GRID2: variants seen among roughly 807,000 people sequenced by gnomAD.
The protein encoded by GRID2 is glutamate receptor ionotropic, delta-2.
A neutral mutation model predicts 114.8 loss-of-function variants in GRID2; 33 were observed. That is an observed-to-expected ratio of 0.29 (90% CI 0.22 to 0.38). The LOEUF is 0.38. GRID2 is among the 10% of genes least tolerant of loss of function. The pLI is 1.00. For missense variants in GRID2, 1,184 were observed against 1,257.7 expected (o/e 0.94, Z 0.89); for synonymous variants, 505 against 449.9 (o/e 1.12, Z -1.55).
At chr4:92,917,240 A>T (rs972215683) in intron 2 of GRID2, among the ~76,000 whole-genome samples, 2 of 151,834 alleles carry the variant, frequency 1.3e-5, no homozygotes, top group Non-Finnish European at 2.9e-5. Flanking sequence ...TTTTGAGTTC[A>T]TTGTAGATTC....
At chr4:93,188,220 T>A (rs562233514) in intron 4 of GRID2, among the ~76,000 whole-genome samples, 2 of 152,220 alleles carry the variant, frequency 1.3e-5, no homozygotes, top group African/African-American at 4.8e-5. Flanking sequence ...TCAGACTCTC[T>A]GGAGCTTCAT....
At chr4:93,583,626 G>A (rs1196159604) in intron 13 of GRID2, among the ~76,000 whole-genome samples, 1 of 152,116 alleles carries the variant, frequency 6.6e-6, no homozygotes, top group African/African-American at 2.4e-5. Flanking sequence ...AAAAGGCTCA[G>A]TAACTTGACC....
intron 13 of GRID2, among the ~76,000 whole-genome samples, chr4:93,580,051 C>T (rs1047676930): frequency 1.3e-4 from 20 of 152,138 alleles, no homozygotes; most frequent in African/African-American, 4.8e-4. Context: ...TGTATTCTGC[C>T]TTTTCATTTT....
rs1198936139 is a variant in GRID2, at chr4:92,722,087, G to C, written c.244+131801G>C. ...CATAGAGATACTCAGCAACCAAAAT[G>C]GTTTCTGGACAGTGGACTGGCAATG... is the stretch of plus-strand genomic sequence containing the variant. On this transcript the variant is annotated intron_variant, in intron 2 of 15. Coordinates refer to ENST00000282020, the MANE Select transcript of GRID2 (RefSeq NM_001510.4). Among the ~76,000 whole-genome samples the C allele has an allele frequency of 3.9e-5, 6 of 152,282 alleles. No individual in the cohort carries two copies. The East Asian group carries it at 9.6e-4, about 24-fold the overall frequency.
At position 93,268,716 on chromosome 4, in the gene GRID2, G is replaced by A. The variant is rs536337031; in HGVS notation, c.1245+30226G>A. 2.2e-4 allele frequency among the ~76,000 whole-genome samples: 34 copies of A among 152,178 alleles called. No homozygotes were observed. In the South Asian group the frequency reaches 2.9e-3, roughly 13 times the overall value. On this transcript the variant is annotated intron_variant, in intron 8 of 15. Coordinates refer to ENST00000282020, the MANE Select transcript of GRID2 (RefSeq NM_001510.4). ...ATAAATGAATATATAGAATAACTGT[G>A]GGTCAAAGATTTATTAAATTATAAC...
intron 13 of GRID2, among the ~76,000 whole-genome samples, chr4:93,604,499 A>G (rs1740006135): frequency 6.6e-6 from 1 of 152,224 alleles, no homozygotes; most frequent in East Asian, 1.9e-4. Context: ...ACATAACAAC[A>G]AAGGATTTAG....
At chr4:92,518,963 G>A (rs1013362943) in intron 1 of GRID2, among the ~76,000 whole-genome samples, 1 of 151,728 alleles carries the variant, frequency 6.6e-6, no homozygotes, top group African/African-American at 2.4e-5. Context: ...CATATGAAAT[G>A]GTTGATACTG....
intron 2 of GRID2, among the ~76,000 whole-genome samples, chr4:92,866,629 C>T (rs575398874): frequency 5.4e-4 from 82 of 151,988 alleles, no homozygotes; most frequent in Non-Finnish European, 9.3e-4. Context: ...CTGCAAGGTC[C>T]GCCTCCCGGG....
chr4:92,417,740 C>T (rs1382101836), intron 1 of GRID2, among the ~76,000 whole-genome samples: 1 of 152,048 alleles, frequency 6.6e-6, no homozygotes, highest in Non-Finnish European at 1.5e-5. Context: ...GGCTCTGTGT[C>T]CCCACCCAGA....
intron 1 of GRID2, among the ~76,000 whole-genome samples, chr4:92,326,599 A>G (rs1218303168): frequency 6.6e-6 from 1 of 151,992 alleles, no homozygotes; most frequent in Non-Finnish European, 1.5e-5. Flanking sequence ...CTTGTTATTC[A>G]TGGTCACCTA....
intron 8 of GRID2, among the ~76,000 whole-genome samples, chr4:93,308,967 C>T (rs1202947289): frequency 3.3e-5 from 5 of 152,206 alleles, no homozygotes; most frequent in African/African-American, 4.8e-5. Context: ...TTTTAGCCAA[C>T]AGCCACACTA....
intron 1 of GRID2, among the ~76,000 whole-genome samples, chr4:92,416,174 CAT>C (rs1278311477): frequency 1.3e-5 from 2 of 151,938 alleles, no homozygotes; most frequent in Non-Finnish European, 2.9e-5. Flanking sequence ...CAATTTTTTT[CAT>C]ATGTTTGTTG....
chr4:92,957,469 G>A (rs1752493704), intron 2 of GRID2, among the ~76,000 whole-genome samples: 1 of 151,902 alleles, frequency 6.6e-6, no homozygotes. Context: ...CTGTACTTAT[G>A]TAGGTCTCTT....
chr4:92,901,416 A>G (rs1224493215), intron 2 of GRID2, among the ~76,000 whole-genome samples: 4 of 152,042 alleles, frequency 2.6e-5, no homozygotes, highest in Non-Finnish European at 4.4e-5. Flanking sequence ...TAGTTTAAAG[A>G]TATGTTCACC....
chr4:92,967,918 G>A (rs1753263250), intron 2 of GRID2, among the ~76,000 whole-genome samples: 1 of 151,840 alleles, frequency 6.6e-6, no homozygotes, highest in Non-Finnish European at 1.5e-5. Flanking sequence ...GGTGCAGGAT[G>A]TATCTCTATT....
intron 2 of GRID2, among the ~76,000 whole-genome samples, chr4:92,859,746 G>T (rs937036612): frequency 1.3e-5 from 2 of 152,106 alleles, no homozygotes; most frequent in Non-Finnish European, 2.9e-5. Flanking sequence ...AGTGAGAATA[G>T]TGAGAAAGAA....
chr4:92,519,978 C>A (rs1724685946), intron 1 of GRID2, among the ~76,000 whole-genome samples: 1 of 151,870 alleles, frequency 6.6e-6, no homozygotes, highest in African/African-American at 2.4e-5. Context: ...GAAACACCCT[C>A]ACAGACATTC....
At chr4:93,701,874 A>G (rs1866538) in intron 14 of GRID2, among the ~76,000 whole-genome samples, 13,569 of 152,018 alleles carry the variant, frequency 0.089, 665 homozygotes, top group African/African-American at 0.13. Flanking sequence ...AATTTAAGAC[A>G]GTTTATTAAT....
chr4:93,090,407 A>T (rs180723539), intron 3 of GRID2, among the ~76,000 whole-genome samples: 70 of 152,322 alleles, frequency 4.6e-4, no homozygotes, highest in African/African-American at 1.5e-3. Context: ...GGTTACAAAG[A>T]TTCCACCATT....
Sources: gnomAD v4.1 joint callset for allele counts (sites outside exome capture counted in the v4.1 genomes callset) on GRCh38, gnomAD v4.1.1 for gene constraint, MANE v1.5 for transcripts, NCBI Gene and HGNC (gene_info 2026-07-23, HGNC 2026-07-21) for gene names.